NRG3: variants seen among roughly 807,000 people sequenced by gnomAD.
NRG3 encodes the protein pro-neuregulin-3, membrane-bound isoform.
A neutral mutation model predicts 66.9 loss-of-function variants in NRG3; 31 were observed. The ratio of observed to expected loss-of-function variants is 0.46; its 90% CI spans 0.35 to 0.63. The LOEUF (loss-of-function observed/expected upper bound fraction) is 0.63, where lower values mean the gene tolerates loss of function less well. NRG3 is among the 20% of genes least tolerant of loss of function. The probability of loss-of-function intolerance (pLI) is 0.00; values close to 1 mark genes in which losing one functional copy is unlikely to be tolerated. For missense variants in NRG3, 910 were observed against 878.9 expected (o/e 1.04, Z -0.45); for synonymous variants, 393 against 359.4 (o/e 1.09, Z -1.06).
At chr10:82,908,697 A>G (rs537915285) in intron 4 of NRG3, among the ~76,000 whole-genome samples, 1 of 152,220 alleles carries the variant, frequency 6.6e-6, no homozygotes, top group Non-Finnish European at 1.5e-5. Context: ...TGTACTATGG[A>G]CAGAGATGAG....
At chr10:82,188,848 G>A (rs1479055697) in intron 1 of NRG3, among the ~76,000 whole-genome samples, 2 of 151,978 alleles carry the variant, frequency 1.3e-5, no homozygotes, top group African/African-American at 4.8e-5. Flanking sequence ...GATAGAATGA[G>A]TAAGAGCTAC....
Position 82,847,555 on chromosome 10 carries a change from G to A in NRG3, c.1028-17856G>A, listed in dbSNP as rs138509414. The stretch of plus-strand genomic sequence containing the variant: ...TATGAAAGCCCATATAATTAAATGC[G>A]AATATCTTTTCCCACTATATCACAT... On this transcript the variant is annotated intron_variant, in intron 3 of 8. Transcript: ENST00000372141. 5.3e-4 allele frequency among the ~76,000 whole-genome samples: 80 copies of A among 152,266 alleles called. No homozygotes were observed. In the East Asian group the frequency reaches 0.013, roughly 25 times the overall value.
At chr10:81,917,511 A>G (rs1008810028) in intron 1 of NRG3, among the ~76,000 whole-genome samples, 1 of 152,232 alleles carries the variant, frequency 6.6e-6, no homozygotes, top group African/African-American at 2.4e-5. Flanking sequence ...CCCCTTCAAA[A>G]TAAGAGAAGT....
rs1447753384 is a variant in NRG3 at position 82,111,427 on chromosome 10, G to A, written c.823+235264G>A. Among the ~76,000 whole-genome samples, 5 of 152,026 alleles carry A rather than the reference G, an allele frequency of 3.3e-5. No homozygotes were observed. The East Asian group carries it at 9.6e-4, about 29-fold the overall frequency. On this transcript the variant is annotated intron_variant, in intron 1 of 8. Coordinates refer to ENST00000372141, the MANE Select transcript of NRG3 (RefSeq NM_001010848.4). Reference sequence around the variant, plus strand: ...TCTTAATTGAGTTTGATACAAACACGACCGAGTGCTTTGGGCTCTGCTTTC... The same window carrying A: ...TCTTAATTGAGTTTGATACAAACACAACCGAGTGCTTTGGGCTCTGCTTTC...
At chr10:82,814,019 G>A (rs73307248) in intron 3 of NRG3, among the ~76,000 whole-genome samples, 1,807 of 152,224 alleles carry the variant, frequency 0.012, 35 homozygotes, top group African/African-American at 0.042. Context: ...CAGGTGGCAC[G>A]GTTCACTCCC....
At chr10:82,675,147 G>A (rs1021460343) in intron 2 of NRG3, among the ~76,000 whole-genome samples, 3 of 151,922 alleles carry the variant, frequency 2.0e-5, no homozygotes, top group Admixed American at 1.3e-4. Context: ...TGTAGAGATG[G>A]GGTTTCTCTA....
chr10:82,858,182 T>C (rs2063913520), intron 3 of NRG3, among the ~76,000 whole-genome samples: 1 of 152,232 alleles, frequency 6.6e-6, no homozygotes, highest in South Asian at 2.1e-4. Context: ...TATTCCGCTG[T>C]CCTTTGACCC....
intron 2 of NRG3, among the ~76,000 whole-genome samples, chr10:82,683,356 C>T (rs2054262931): frequency 6.6e-6 from 1 of 151,956 alleles, no homozygotes; most frequent in Non-Finnish European, 1.5e-5. Flanking sequence ...TTCCTCTCTC[C>T]CCTTGATCAC....
chr10:82,494,085 T>C (rs1843403283), intron 2 of NRG3, among the ~76,000 whole-genome samples: 1 of 152,106 alleles, frequency 6.6e-6, no homozygotes, highest in Non-Finnish European at 1.5e-5. Context: ...AAACTCAAGG[T>C]ACAACACATG....
chr10:82,114,553 G>A (rs1028785423), intron 1 of NRG3, among the ~76,000 whole-genome samples: 12 of 152,086 alleles, frequency 7.9e-5, no homozygotes, highest in Non-Finnish European at 1.2e-4. Flanking sequence ...GCACAAGCAT[G>A]TCGTCAAAAG....
intron 4 of NRG3, among the ~76,000 whole-genome samples, chr10:82,939,759 G>A (rs1848427954): frequency 6.6e-6 from 1 of 151,972 alleles, no homozygotes; most frequent in Admixed American, 6.6e-5. Flanking sequence ...GTGAGCCACG[G>A]CGCCCCACCT....
chr10:82,923,313 C>T (rs1461015438), intron 4 of NRG3, among the ~76,000 whole-genome samples: 2 of 152,200 alleles, frequency 1.3e-5, no homozygotes, highest in Non-Finnish European at 2.9e-5. Flanking sequence ...CATCCTCCAC[C>T]TAATCTCTAC....
intron 4 of NRG3, among the ~76,000 whole-genome samples, chr10:82,879,833 A>G (rs917378577): frequency 2.6e-5 from 4 of 152,120 alleles, no homozygotes; most frequent in African/African-American, 9.7e-5. Context: ...TGAGGGTTAA[A>G]GGTGTTAAAT....
At chr10:82,491,293 A>AATATATATATATACAT (rs1554942717) in intron 2 of NRG3, among the ~76,000 whole-genome samples, 1 of 82,186 alleles carries the variant, frequency 1.2e-5, no homozygotes. Flanking sequence ...GTTCCCATAA[A>AATATATATATATACAT]ATATATATAT....
intron 1 of NRG3, among the ~76,000 whole-genome samples, chr10:82,251,242 T>C (rs1253857922): frequency 6.6e-6 from 1 of 152,166 alleles, no homozygotes; most frequent in African/African-American, 2.4e-5. Context: ...GAGCTGTTCC[T>C]TCTCTTCCTG....
chr10:82,588,134 C>G (rs1306447395), intron 2 of NRG3, among the ~76,000 whole-genome samples: 4 of 152,106 alleles, frequency 2.6e-5, no homozygotes, highest in Admixed American at 6.5e-5. Flanking sequence ...ACAGGCCTAC[C>G]CAGGACCTCC....
At chr10:82,847,300 A>G (rs571259440) in intron 3 of NRG3, among the ~76,000 whole-genome samples, 1 of 152,364 alleles carries the variant, frequency 6.6e-6, no homozygotes, top group African/African-American at 2.4e-5. Flanking sequence ...AGAAGGCTGC[A>G]AAATTCAGGA....
At position 82,874,609 on chromosome 10, in the gene NRG3, T is replaced by C. The variant is rs778107414; in HGVS notation, c.1054+9172T>C. 8.5e-4 allele frequency among the ~76,000 whole-genome samples: 130 copies of C among 152,270 alleles called. 1 individual carries two copies. Among genetic ancestry groups the C allele is most frequent in the Non-Finnish European group, 2.6e-4 (18 of 68,014 alleles). ...ATGTTAAACTACGTGAGAAATCAGA[T>C]ATAGTGGAAAAACAAAAGTTACATG... On this transcript the variant is annotated intron_variant, in intron 4 of 8. Transcript: ENST00000372141.
At chr10:82,195,158 G>A (rs1269873319) in intron 1 of NRG3, among the ~76,000 whole-genome samples, 1 of 152,116 alleles carries the variant, frequency 6.6e-6, no homozygotes. Context: ...AGCGTCCATG[G>A]TGGTAGCCAC....
Sources: gnomAD v4.1 joint callset for allele counts (sites outside exome capture counted in the v4.1 genomes callset) on GRCh38, gnomAD v4.1.1 for gene constraint, MANE v1.5 for transcripts, NCBI Gene and HGNC (gene_info 2026-07-23, HGNC 2026-07-21) for gene names.